The following ASCC3 variants were observed in gnomAD, a reference collection of about 807,000 sequenced individuals.
ASCC3 encodes the protein ASC-1 complex subunit P200.
In ASCC3, 158 loss-of-function variants were observed where a neutral mutation model predicts 256.3. That is an observed-to-expected ratio of 0.62 (90% CI 0.54 to 0.70). The LOEUF (loss-of-function observed/expected upper bound fraction) is 0.70. Among genes scored for constraint, ASCC3 ranks in the 30% least tolerant of loss-of-function variants. The probability of loss-of-function intolerance (pLI) is 0.00; values close to 1 mark genes in which losing one functional copy is unlikely to be tolerated. For missense variants in ASCC3, 2,259 were observed against 2,626.0 expected (o/e 0.86, Z 3.05); for synonymous variants, 948 against 883.4 (o/e 1.07, Z -1.30).
intron 21 of ASCC3, 34 bp downstream of exon 21, chr6:100,647,192 A>T (rs1775422337): frequency 6.5e-7 from 1 of 1,538,520 alleles, no homozygotes; most frequent in Admixed American, 1.7e-5. Context: ...TTTGCACAAA[A>T]CAATACATTC....
intron 36 of ASCC3, among the ~76,000 whole-genome samples, chr6:100,573,632 T>C (rs1315916650): frequency 6.6e-6 from 1 of 152,112 alleles, no homozygotes; most frequent in African/African-American, 2.4e-5. Context: ...GATAATATGC[T>C]TCAGTGTTAT....
At chr6:100,694,726 T>C (rs1337470937) in intron 13 of ASCC3, among the ~76,000 whole-genome samples, 1 of 152,128 alleles carries the variant, frequency 6.6e-6, no homozygotes, top group Non-Finnish European at 1.5e-5. Context: ...TGTATAGTGA[T>C]AGATTGTAAC....
chr6:100,756,852 A>AT (rs1051355756), intron 10 of ASCC3, among the ~76,000 whole-genome samples: 4 of 152,150 alleles, frequency 2.6e-5, no homozygotes, highest in African/African-American at 9.6e-5. Context: ...GAAATATAAA[A>AT]TTTTTTTTTA....
intron 4 of ASCC3, among the ~76,000 whole-genome samples, chr6:100,844,823 G>A (rs1045164030): frequency 2.0e-5 from 3 of 152,032 alleles, no homozygotes; most frequent in African/African-American, 4.8e-5. Flanking sequence ...AGTACAACAC[G>A]CAGGAGGACA....
chr6:100,680,666 A>C (rs547587573), intron 13 of ASCC3, among the ~76,000 whole-genome samples: 2 of 152,318 alleles, frequency 1.3e-5, no homozygotes, highest in East Asian at 3.9e-4. Flanking sequence ...GGGTGCAGTA[A>C]ATGACTTAAA....
chr6:100,670,267 G>A (rs1376994701), intron 14 of ASCC3, among the ~76,000 whole-genome samples: 3 of 151,916 alleles, frequency 2.0e-5, no homozygotes, highest in African/African-American at 7.2e-5. Context: ...CCCAGTGCTG[G>A]CAAAGTTATG....
chr6:100,581,516 T>C (rs1771262390), intron 36 of ASCC3, among the ~76,000 whole-genome samples: 1 of 152,052 alleles, frequency 6.6e-6, no homozygotes, highest in Non-Finnish European at 1.5e-5. Context: ...GCGAAAATTT[T>C]CTCCCATTTT....
At chr6:100,685,459 G>T (rs1245942616) in intron 13 of ASCC3, among the ~76,000 whole-genome samples, 2 of 152,022 alleles carry the variant, frequency 1.3e-5, no homozygotes, top group Admixed American at 6.5e-5. Context: ...AGCAGCATCA[G>T]CAGCAGCAGC....
At chr6:100,869,105 G>A (rs1457336279) in intron 1 of ASCC3, among the ~76,000 whole-genome samples, 1 of 152,142 alleles carries the variant, frequency 6.6e-6, no homozygotes, top group Non-Finnish European at 1.5e-5. Context: ...TGCCCCACAT[G>A]GGACATCTGG....
At chr6:100,721,933 C>T (rs1480791355) in intron 11 of ASCC3, among the ~76,000 whole-genome samples, 1 of 151,684 alleles carries the variant, frequency 6.6e-6, no homozygotes, top group Non-Finnish European at 1.5e-5. Flanking sequence ...ATGGTGTTTC[C>T]TAGATTTTCT....
chr6:100,668,958 T>C (rs925055650), intron 14 of ASCC3, among the ~76,000 whole-genome samples: 1 of 151,686 alleles, frequency 6.6e-6, no homozygotes, highest in Non-Finnish European at 1.5e-5. Flanking sequence ...TATCAGTCTA[T>C]TGATGTTCTA....
rs1012800894 is a variant in ASCC3, at chr6:100,643,953, G to C, written c.3732+78C>G. ...GTTTTAATTGTACTATAAAATTACAGAGAAATAAAAGCAGAAACTGTTAGT... is the reference window on the plus strand; with the variant it reads ...GTTTTAATTGTACTATAAAATTACACAGAAATAAAAGCAGAAACTGTTAGT... On this transcript the variant is annotated intron_variant, in intron 23 of 41. Coordinates refer to ENST00000369162, the MANE Select transcript of ASCC3 (RefSeq NM_006828.4). 4.1e-6 allele frequency: 4 copies of C among 966,474 alleles called. No individual in the cohort carries two copies. The African/African-American group carries it at 6.6e-5, about 16-fold the overall frequency. 59.9% of individuals were successfully genotyped at this position (966,474 alleles called of 1,614,324 possible).
At chr6:100,853,422 T>C (rs1191798667) in intron 3 of ASCC3, among the ~76,000 whole-genome samples, 1 of 88,294 alleles carries the variant, frequency 1.1e-5, no homozygotes, top group Admixed American at 9.8e-5. Flanking sequence ...AAATATTCCT[T>C]TTTTTTTTTT....
intron 3 of ASCC3, among the ~76,000 whole-genome samples, chr6:100,860,289 A>G (rs1203094580): frequency 6.6e-6 from 1 of 152,004 alleles, no homozygotes; most frequent in East Asian, 1.9e-4. Context: ...ATTTGAATAC[A>G]CTAAGATTAA....
At chr6:100,842,900 A>G (rs1289886078) in intron 4 of ASCC3, among the ~76,000 whole-genome samples, 4 of 152,130 alleles carry the variant, frequency 2.6e-5, no homozygotes, top group African/African-American at 9.7e-5. Context: ...GCTTGAGCCC[A>G]GGAGTTACAG....
chr6:100,589,012 A>C (rs1030355066), intron 36 of ASCC3, among the ~76,000 whole-genome samples: 1 of 152,278 alleles, frequency 6.6e-6, no homozygotes, highest in South Asian at 2.1e-4. Flanking sequence ...AAAATCAACA[A>C]AGGGAAAAAA....
At chr6:100,867,692 T>C (rs1432080987) in intron 2 of ASCC3, among the ~76,000 whole-genome samples, 1 of 152,160 alleles carries the variant, frequency 6.6e-6, no homozygotes, top group African/African-American at 2.4e-5. Flanking sequence ...TCAATTATCA[T>C]AGTTCTGATT....
chr6:100,799,668 C>T (rs1467795094), intron 6 of ASCC3, 96 bp from the exon 7 acceptor site: 1 of 1,277,964 alleles, frequency 7.8e-7, no homozygotes, highest in East Asian at 2.5e-5. Flanking sequence ...TGGGAGCTAG[C>T]CTTCCACCAT....
At chr6:100,585,495 A>C (rs1019476556) in intron 36 of ASCC3, among the ~76,000 whole-genome samples, 2 of 152,040 alleles carry the variant, frequency 1.3e-5, no homozygotes, top group East Asian at 1.9e-4. Context: ...ATTTTTTTCA[A>C]AGTTTTCAGT....
Sources: allele counts gnomAD v4.1 joint callset (sites outside exome capture counted in the v4.1 genomes callset), GRCh38; gene constraint gnomAD v4.1.1; transcripts MANE v1.5; gene names NCBI Gene and HGNC (gene_info 2026-07-23, HGNC 2026-07-21).